PARD3B: variants seen among roughly 807,000 people sequenced by gnomAD.
PARD3B encodes the protein par-3 family cell polarity regulator beta, also known as partitioning defective 3 homolog B.
In PARD3B, 103 loss-of-function variants were observed where a neutral mutation model predicts 130.2. The observed-to-expected ratio is 0.79, with a 90% CI of 0.67 to 0.93. The LOEUF (loss-of-function observed/expected upper bound fraction) is 0.93, where lower values mean the gene tolerates loss of function less well. PARD3B is among the 40% of genes least tolerant of loss of function. PARD3B has a pLI of 0.00. For synonymous variants in PARD3B, 583 were observed against 553.2 expected (o/e 1.05, Z -0.76); for missense variants, 1,609 against 1,499.2 (o/e 1.07, Z -1.21).
chr2:205,323,747 A>G (rs1203744866), intron 18 of PARD3B, among the ~76,000 whole-genome samples: 2 of 152,220 alleles, frequency 1.3e-5, no homozygotes, highest in African/African-American at 2.4e-5. Context: ...AAGAGTGTCT[A>G]TCTCAACACC....
chr2:205,583,048 A>G (rs181947651), intron 22 of PARD3B, among the ~76,000 whole-genome samples: 2 of 152,332 alleles, frequency 1.3e-5, no homozygotes, highest in South Asian at 2.1e-4. Context: ...ACAAAAGTGT[A>G]TGGAATTGGT....
intron 4 of PARD3B, among the ~76,000 whole-genome samples, chr2:205,084,709 G>C (rs1484023141): frequency 6.6e-6 from 1 of 151,678 alleles, no homozygotes; most frequent in Non-Finnish European, 1.5e-5. Context: ...GTTTTTGCTC[G>C]TTTTTAGGTT....
chr2:205,143,035 TAA>T (rs2033096390), intron 10 of PARD3B, among the ~76,000 whole-genome samples: 2 of 151,996 alleles, frequency 1.3e-5, no homozygotes, highest in African/African-American at 4.8e-5. Flanking sequence ...AGGGAATAGT[TAA>T]AAGAAGAGGT....
intron 3 of PARD3B, among the ~76,000 whole-genome samples, chr2:204,996,610 C>G (rs1184798387): frequency 2.0e-5 from 3 of 151,226 alleles, no homozygotes; most frequent in African/African-American, 7.3e-5. Context: ...GGGCTCCACC[C>G]AGTTCGAGCT....
At position 205,124,308 on chromosome 2, in the gene PARD3B, T is replaced by C. The variant is rs201380484; in HGVS notation, c.1166-19T>C. 1.3e-4 allele frequency: 188 copies of C among 1,494,886 alleles called. 1 individual carries two copies. The African/African-American group carries it at 2.2e-3, about 17-fold the overall frequency. The allele number at this position is 1,494,886 out of a possible 1,614,324, so 92.6% of individuals were successfully genotyped here. ...TCATGCTTAAGATGACTATACATTT[T>C]CCTGTTCTTATACACTAGGCCCTGA... On this transcript the variant is annotated intron_variant, in intron 8 of 22. Coordinates refer to ENST00000406610, the MANE Select transcript of PARD3B (RefSeq NM_001302769.2).
chr2:205,301,609 G>C lies in PARD3B; in HGVS notation c.2538G>C (p.Lys846Asn), dbSNP rs752648826. The C allele has an allele frequency of 4.3e-6, 7 of 1,613,664 alleles. No individual in the cohort carries two copies. In the South Asian group the frequency reaches 7.7e-5, roughly 18 times the overall value. The change falls in exon 18 of 23, where the codon AAG (lysine) becomes AAC (asparagine). Residue 846 changes from lysine (K) to asparagine (N), a missense_variant. Coordinates refer to ENST00000406610, the MANE Select transcript of PARD3B (RefSeq NM_001302769.2). The surrounding 1 kb of genome is among the most constrained non-coding windows in gnomAD (Gnocchi z 5.2). ...KTKEKEKKKE[K>N]GKLKVKEKKR... ...AAGAGAAGGAGAAGAAAAAGGAAAA[G>C]GGCAAATTGAAAGTCAAGGAGAAAA...
At chr2:205,296,628 C>G (rs1054605347) in intron 16 of PARD3B, among the ~76,000 whole-genome samples, 11 of 151,676 alleles carry the variant, frequency 7.3e-5, no homozygotes, top group Admixed American at 7.2e-4. Flanking sequence ...TTGCCTGGCA[C>G]AGCTTAACTC....
chr2:204,721,437 G>C (rs1472810363), intron 2 of PARD3B, among the ~76,000 whole-genome samples: 2 of 152,110 alleles, frequency 1.3e-5, no homozygotes, highest in East Asian at 3.9e-4. Flanking sequence ...GGCATCTCTA[G>C]TAGTTGTTGC....
At chr2:204,596,381 C>T (rs1008474982) in intron 1 of PARD3B, among the ~76,000 whole-genome samples, 2 of 151,934 alleles carry the variant, frequency 1.3e-5, no homozygotes, top group South Asian at 2.1e-4. Context: ...TTGGGAGATG[C>T]TGGAAGTCTT....
chr2:204,836,801 G>A (rs144811426), intron 2 of PARD3B, among the ~76,000 whole-genome samples: 5 of 152,184 alleles, frequency 3.3e-5, no homozygotes, highest in Admixed American at 2.0e-4. Flanking sequence ...AAATACAAAG[G>A]GAAACTCTTA....
intron 2 of PARD3B, among the ~76,000 whole-genome samples, chr2:204,702,764 T>C (rs186130625): frequency 1.3e-5 from 2 of 152,012 alleles, no homozygotes; most frequent in Non-Finnish European, 2.9e-5. Context: ...TTAGTAGAGA[T>C]GGGGTTTTGC....
chr2:205,025,995 C>T (rs1696998350), intron 3 of PARD3B, among the ~76,000 whole-genome samples: 1 of 152,114 alleles, frequency 6.6e-6, no homozygotes, highest in African/African-American at 2.4e-5. Flanking sequence ...TTATACAGCC[C>T]GCGGTACGCT....
chr2:204,756,803 C>G (rs1385695607), intron 2 of PARD3B, among the ~76,000 whole-genome samples: 1 of 152,130 alleles, frequency 6.6e-6, no homozygotes, highest in Non-Finnish European at 1.5e-5. Flanking sequence ...GGTTCCTGTG[C>G]AGGTTTGCTG....
chr2:204,913,019 G>T (rs563835013), intron 2 of PARD3B, among the ~76,000 whole-genome samples: 1 of 152,240 alleles, frequency 6.6e-6, no homozygotes, highest in African/African-American at 2.4e-5. Flanking sequence ...TAAAATGAAC[G>T]TCATATGTTT....
chr2:205,322,397 C>T (rs561129207), intron 18 of PARD3B, among the ~76,000 whole-genome samples: 1 of 152,270 alleles, frequency 6.6e-6, no homozygotes, highest in South Asian at 2.1e-4. Context: ...CACAGTAATA[C>T]AGGTTAGGTG....
intron 21 of PARD3B, among the ~76,000 whole-genome samples, chr2:205,512,119 A>C (rs1325537964): frequency 6.6e-6 from 1 of 152,160 alleles, no homozygotes; most frequent in Non-Finnish European, 1.5e-5. Context: ...CATTCTCCAC[A>C]AGAAAAATGA....
At chr2:204,830,723 C>T (rs767456181) in intron 2 of PARD3B, among the ~76,000 whole-genome samples, 34 of 152,166 alleles carry the variant, frequency 2.2e-4, no homozygotes, top group Non-Finnish European at 2.1e-4. Flanking sequence ...GGGAATGAGA[C>T]CAGTTCCTAT....
At chr2:205,510,561 A>T (rs1201787544) in intron 21 of PARD3B, among the ~76,000 whole-genome samples, 2 of 152,090 alleles carry the variant, frequency 1.3e-5, no homozygotes, top group Admixed American at 1.3e-4. Context: ...TCCCACACAC[A>T]TACTTTTCCT....
At chr2:204,779,677 A>G (rs2041770460) in intron 2 of PARD3B, among the ~76,000 whole-genome samples, 2 of 152,190 alleles carry the variant, frequency 1.3e-5, no homozygotes, top group South Asian at 4.1e-4. Flanking sequence ...CATCATTACA[A>G]TCAAATGCCT....
Sources: allele counts gnomAD v4.1 joint callset (sites outside exome capture counted in the v4.1 genomes callset), GRCh38; gene constraint gnomAD v4.1.1; non-coding constraint Gnocchi (gnomAD v3.1); transcripts MANE v1.5; gene names NCBI Gene and HGNC (gene_info 2026-07-23, HGNC 2026-07-21).